The following LRRTM4 variants were observed in gnomAD, a reference collection of about 807,000 sequenced individuals.
LRRTM4 encodes the protein leucine rich repeat transmembrane neuronal 4.
In LRRTM4, 25 loss-of-function variants were observed where a neutral mutation model predicts 47.6. The observed-to-expected ratio is 0.53, with a 90% CI of 0.38 to 0.73. LRRTM4 has a LOEUF of 0.73. Ranked by LOEUF, LRRTM4 falls within the 30% of genes least tolerant of loss-of-function variation. The pLI, the probability that LRRTM4 is intolerant of heterozygous loss-of-function variation, is 0.00. For synonymous variants in LRRTM4, 311 were observed against 269.5 expected (o/e 1.15, Z -1.51); for missense variants, 638 against 713.4 (o/e 0.89, Z 1.20).
intron 3 of LRRTM4, among the ~76,000 whole-genome samples, chr2:76,817,474 TGAG>T (rs1670934745): frequency 6.6e-6 from 1 of 151,926 alleles, no homozygotes; most frequent in African/African-American, 2.4e-5. Context: ...GGAAAATGAA[TGAG>T]TAGTACCTCA....
intron 3 of LRRTM4, among the ~76,000 whole-genome samples, chr2:77,055,040 G>T (rs1204172514): frequency 6.6e-6 from 1 of 152,230 alleles, no homozygotes. Context: ...AGAGCAGGGG[G>T]AGCCCTGTGA....
intron 3 of LRRTM4, among the ~76,000 whole-genome samples, chr2:76,876,758 C>G (rs959650434): frequency 4.6e-5 from 7 of 151,872 alleles, no homozygotes; most frequent in Non-Finnish European, 1.0e-4. Flanking sequence ...GTACCACTAA[C>G]AACAGTATAT....
intron 3 of LRRTM4, among the ~76,000 whole-genome samples, chr2:77,116,990 A>T (rs1354872068): frequency 6.6e-6 from 1 of 151,894 alleles, no homozygotes; most frequent in Non-Finnish European, 1.5e-5. Context: ...CCCCAGGCCA[A>T]CTACTTCCTG....
intron 3 of LRRTM4, among the ~76,000 whole-genome samples, chr2:77,196,805 A>C (rs1222255211): frequency 6.6e-6 from 1 of 152,158 alleles, no homozygotes; most frequent in East Asian, 1.9e-4. Context: ...ATTTAAAAGG[A>C]AATAATTGTG....
intron 3 of LRRTM4, among the ~76,000 whole-genome samples, chr2:76,756,977 A>C (rs2104069932): frequency 6.6e-6 from 1 of 152,302 alleles, no homozygotes; most frequent in South Asian, 2.1e-4. Flanking sequence ...AAGATGGAAT[A>C]AATAATAAAT....
At chr2:77,480,307 T>C (rs1266087641) in intron 3 of LRRTM4, among the ~76,000 whole-genome samples, 1 of 152,222 alleles carries the variant, frequency 6.6e-6, no homozygotes, top group Non-Finnish European at 1.5e-5. Context: ...CCAACACGAT[T>C]GCAGGGGAGC....
At chr2:77,331,672 A>G (rs10169355) in intron 3 of LRRTM4, among the ~76,000 whole-genome samples, 3,041 of 152,260 alleles carry the variant, frequency 0.02, 110 homozygotes, top group African/African-American at 0.069. Flanking sequence ...GCCTGGAGTA[A>G]ATCCTGATGT....
At chr2:77,481,355 T>C (rs568044808) in intron 3 of LRRTM4, among the ~76,000 whole-genome samples, 1 of 152,244 alleles carries the variant, frequency 6.6e-6, no homozygotes, top group African/African-American at 2.4e-5. Context: ...AGCCATCTAG[T>C]TCGAGAACCT....
intron 3 of LRRTM4, among the ~76,000 whole-genome samples, chr2:77,244,755 C>A (rs10172757): frequency 0.55 from 83,123 of 151,938 alleles, 23,103 homozygotes; most frequent in African/African-American, 0.6. Flanking sequence ...TTTGCTCCTC[C>A]CTTTCTCAGT....
chr2:77,055,494 C>T (rs1553378753), intron 3 of LRRTM4, among the ~76,000 whole-genome samples: 1 of 152,186 alleles, frequency 6.6e-6, no homozygotes, highest in South Asian at 2.1e-4. Flanking sequence ...CATGAGATAC[C>T]ATCTCACACC....
intron 3 of LRRTM4, among the ~76,000 whole-genome samples, chr2:77,007,606 T>G (rs1182974200): frequency 6.6e-6 from 1 of 152,198 alleles, no homozygotes; most frequent in African/African-American, 2.4e-5. Flanking sequence ...CAACATAGGT[T>G]TGTTACTAAC....
chr2:77,242,352 A>C (rs780012641), intron 3 of LRRTM4, among the ~76,000 whole-genome samples: 1 of 152,160 alleles, frequency 6.6e-6, no homozygotes, highest in Non-Finnish European at 1.5e-5. Context: ...CCTGTGCATC[A>C]AGGGACACAA....
chr2:76,996,600 C>T (rs565967231), intron 3 of LRRTM4, among the ~76,000 whole-genome samples: 17 of 152,066 alleles, frequency 1.1e-4, no homozygotes, highest in Admixed American at 3.9e-4. Context: ...TTCTTAAGTG[C>T]GAACTTAATA....
At chr2:76,907,837 T>C (rs978680377) in intron 3 of LRRTM4, among the ~76,000 whole-genome samples, 74 of 137,906 alleles carry the variant, frequency 5.4e-4, no homozygotes, top group African/African-American at 2.0e-3. Context: ...GAGCTGAAAT[T>C]GTGGCAATAA....
At chr2:77,386,982 A>C (rs1673305062) in intron 3 of LRRTM4, among the ~76,000 whole-genome samples, 1 of 152,270 alleles carries the variant, frequency 6.6e-6, no homozygotes, top group Admixed American at 6.5e-5. Flanking sequence ...CTCAATTTTA[A>C]GGTCTCATGC....
chr2:76,986,387 T>A (rs1676796135), intron 3 of LRRTM4, among the ~76,000 whole-genome samples: 1 of 151,232 alleles, frequency 6.6e-6, no homozygotes, highest in South Asian at 2.1e-4. Flanking sequence ...CAAGATATGA[T>A]GTCTGCAAGA....
intron 3 of LRRTM4, among the ~76,000 whole-genome samples, chr2:76,908,529 A>G (rs1481945203): frequency 2.0e-5 from 3 of 152,004 alleles, no homozygotes; most frequent in Non-Finnish European, 4.4e-5. Flanking sequence ...AGGGTATTCA[A>G]TTAAGAAAAG....
chr2:77,495,467 C>T (rs1678326002), intron 3 of LRRTM4, among the ~76,000 whole-genome samples: 1 of 151,940 alleles, frequency 6.6e-6, no homozygotes, highest in African/African-American at 2.4e-5. Context: ...TAAATACTTG[C>T]CTAACGTAAG....
At chr2:77,244,836 C>T (rs1400190257) in intron 3 of LRRTM4, among the ~76,000 whole-genome samples, 1 of 152,002 alleles carries the variant, frequency 6.6e-6, no homozygotes, top group African/African-American at 2.4e-5. Flanking sequence ...TAAGGGAAGC[C>T]AAGAATAAAG....
Sources: gnomAD v4.1 joint callset for allele counts (sites outside exome capture counted in the v4.1 genomes callset) on GRCh38, gnomAD v4.1.1 for gene constraint, MANE v1.5 for transcripts, NCBI Gene and HGNC (gene_info 2026-07-23, HGNC 2026-07-21) for gene names.